The following ANKS1B variants were observed in gnomAD, a reference collection of about 807,000 sequenced individuals.
The protein encoded by ANKS1B is ankyrin repeat and sterile alpha motif domain containing 1B.
Under a neutral mutation model 148.3 loss-of-function variants are expected in ANKS1B, and 36 were observed. The observed-to-expected ratio is 0.24, with a 90% CI of 0.19 to 0.32. The LOEUF (loss-of-function observed/expected upper bound fraction) is 0.32. Among genes scored for constraint, ANKS1B ranks in the 10% least tolerant of loss-of-function variants. The probability of loss-of-function intolerance (pLI) is 1.00; values close to 1 mark genes in which losing one functional copy is unlikely to be tolerated. For synonymous variants in ANKS1B, 542 were observed against 560.8 expected, an observed-to-expected ratio of 0.97 and a Z score of 0.47; for missense variants, 1,157 against 1,542.6, an observed-to-expected ratio of 0.75 and a Z score of 4.19.
At chr12:99,396,588 G>A (rs776615130) in intron 12 of ANKS1B, among the ~76,000 whole-genome samples, 11 of 152,124 alleles carry the variant, frequency 7.2e-5, no homozygotes, top group Non-Finnish European at 1.3e-4. Flanking sequence ...AAAATATCCT[G>A]ATGATTACAA....
At chr12:99,450,898 G>T (rs887832920) in intron 10 of ANKS1B, among the ~76,000 whole-genome samples, 8 of 152,132 alleles carry the variant, frequency 5.3e-5, no homozygotes, top group African/African-American at 1.7e-4. Flanking sequence ...ATCCAAATGA[G>T]AAGCATATTC....
chr12:98,889,869 C>G (rs967645663), intron 17 of ANKS1B, among the ~76,000 whole-genome samples: 3 of 152,146 alleles, frequency 2.0e-5, no homozygotes, highest in African/African-American at 7.2e-5. Flanking sequence ...GCTTACCTGT[C>G]ATTACTTGAG....
chr12:99,236,541 C>G (rs1225199690), intron 14 of ANKS1B, among the ~76,000 whole-genome samples: 2 of 152,140 alleles, frequency 1.3e-5, no homozygotes, highest in Admixed American at 1.3e-4. Context: ...TGCTGGGAAC[C>G]AACCCCATGA....
chr12:99,425,039 C>T (rs2095217929), intron 11 of ANKS1B, among the ~76,000 whole-genome samples: 1 of 151,944 alleles, frequency 6.6e-6, no homozygotes, highest in Admixed American at 6.6e-5. Context: ...GTTCTGACCA[C>T]GAGGCACCCC....
chr12:98,965,862 T>A (rs944529659), intron 17 of ANKS1B, among the ~76,000 whole-genome samples: 4 of 152,318 alleles, frequency 2.6e-5, no homozygotes, highest in Admixed American at 1.3e-4. Context: ...AAGCTGAAAC[T>A]GGATCCCTTC....
At chr12:99,301,845 G>A (rs560842956) in intron 12 of ANKS1B, among the ~76,000 whole-genome samples, 4 of 152,132 alleles carry the variant, frequency 2.6e-5, no homozygotes, top group Admixed American at 6.6e-5. Context: ...ATAAAGCAAC[G>A]GTAAGGCATT....
intron 8 of ANKS1B, among the ~76,000 whole-genome samples, chr12:99,760,140 A>G (rs974892554): frequency 2.6e-5 from 4 of 151,850 alleles, no homozygotes; most frequent in African/African-American, 9.7e-5. Context: ...AAGCACATGC[A>G]CAATGAAATA....
chr12:99,334,803 C>A (rs2088436820), intron 12 of ANKS1B, among the ~76,000 whole-genome samples: 1 of 151,964 alleles, frequency 6.6e-6, no homozygotes, highest in African/African-American at 2.4e-5. Flanking sequence ...TGGAGTAAGG[C>A]AAGGTGTCCC....
chr12:99,244,310 A>G (rs1310311921), intron 14 of ANKS1B, 32 bp downstream of exon 14: 7 of 1,485,180 alleles, frequency 4.7e-6, no homozygotes, highest in Non-Finnish European at 5.6e-6. Context: ...AAGCACATTT[A>G]TTCATTATAA....
chr12:98,745,232 G>T lies in ANKS1B; in HGVS notation c.*507C>A, dbSNP rs887384834. On this transcript the variant is annotated 3_prime_UTR_variant, in exon 27 of 27. Transcript: ENST00000683438. ...CAATCATATCACGGGAGTTGTTTTT[G>T]TCCTTTTGCATTAAACGATACTCAA... The T allele has an allele frequency of 1.0e-6, 1 of 985,612 alleles. No individual in the cohort carries two copies. The highest frequency in any genetic ancestry group is 1.7e-5 in the African/African-American group (1 of 57,192). The allele number at this position is 985,612 out of a possible 1,614,324, so 61.1% of individuals were successfully genotyped here.
At chr12:98,762,077 G>A (rs2098415614) in intron 25 of ANKS1B, among the ~76,000 whole-genome samples, 1 of 152,214 alleles carries the variant, frequency 6.6e-6, no homozygotes, top group African/African-American at 2.4e-5. Context: ...ACGTTCAAGG[G>A]AAGGGCTGTG....
intron 14 of ANKS1B, among the ~76,000 whole-genome samples, chr12:99,207,454 T>C (rs1274146600): frequency 6.6e-6 from 1 of 152,162 alleles, no homozygotes; most frequent in Non-Finnish European, 1.5e-5. Flanking sequence ...GCTTAAAATG[T>C]ATACACTTTG....
chr12:99,880,043 T>G (rs60703460), intron 1 of ANKS1B, among the ~76,000 whole-genome samples: 53,540 of 151,984 alleles, frequency 0.35, 9,993 homozygotes, highest in African/African-American at 0.45. Context: ...ACAAGATGCA[T>G]AATCTTGCAC....
chr12:99,223,257 A>G (rs1468936914), intron 14 of ANKS1B, among the ~76,000 whole-genome samples: 1 of 152,188 alleles, frequency 6.6e-6, no homozygotes, highest in African/African-American at 2.4e-5. Context: ...TCTTTTTGGC[A>G]TCAGGGACCG....
chr12:99,804,590 T>G (rs562693436), intron 4 of ANKS1B, among the ~76,000 whole-genome samples: 1 of 152,244 alleles, frequency 6.6e-6, no homozygotes, highest in East Asian at 1.9e-4. Flanking sequence ...GGATTCAATC[T>G]CTGAACAATT....
At chr12:99,305,170 T>C (rs974270759) in intron 12 of ANKS1B, among the ~76,000 whole-genome samples, 1 of 152,028 alleles carries the variant, frequency 6.6e-6, no homozygotes. Flanking sequence ...AAGTCATTAC[T>C]GTGGGGAGGG....
intron 10 of ANKS1B, among the ~76,000 whole-genome samples, chr12:99,478,893 T>C (rs745604148): frequency 2.6e-5 from 4 of 152,092 alleles, no homozygotes; most frequent in Non-Finnish European, 5.9e-5. Context: ...GTGAGCCACA[T>C]ATGTAACTTT....
At chr12:99,566,234 T>C (rs1188996402) in intron 9 of ANKS1B, among the ~76,000 whole-genome samples, 1 of 152,212 alleles carries the variant, frequency 6.6e-6, no homozygotes, top group African/African-American at 2.4e-5. Flanking sequence ...TTTTGCATTC[T>C]ATTACAAGCA....
chr12:99,911,081 T>C (rs2093991158), intron 1 of ANKS1B, among the ~76,000 whole-genome samples: 1 of 152,214 alleles, frequency 6.6e-6, no homozygotes, highest in African/African-American at 2.4e-5. Flanking sequence ...TTTTTCTCAA[T>C]TTATGAGAAA....
Sources: allele counts gnomAD v4.1 joint callset (sites outside exome capture counted in the v4.1 genomes callset), GRCh38; gene constraint gnomAD v4.1.1; transcripts MANE v1.5; gene names NCBI Gene and HGNC (gene_info 2026-07-23, HGNC 2026-07-21).